Variants in TXNDC11 observed in about 807,000 individuals in gnomAD.
The protein encoded by TXNDC11 is thioredoxin domain containing 11, also known as thioredoxin domain-containing protein 11.
A neutral mutation model predicts 78.0 loss-of-function variants in TXNDC11; 68 were observed. That is an observed-to-expected ratio of 0.87 (90% CI 0.72 to 1.07). The LOEUF (loss-of-function observed/expected upper bound fraction) is 1.07, where lower values mean the gene tolerates loss of function less well. Among genes scored for constraint, TXNDC11 ranks in the 50% least tolerant of loss-of-function variants. TXNDC11 has a pLI of 0.00. For missense variants in TXNDC11, 1,389 were observed against 1,221.8 expected, an observed-to-expected ratio of 1.14 and a Z score of -2.04; for synonymous variants, 571 against 495.2, an observed-to-expected ratio of 1.15 and a Z score of -2.03.
intron 5 of TXNDC11, among the ~76,000 whole-genome samples, chr16:11,711,425 T>C (rs532347845): frequency 7.2e-5 from 11 of 152,358 alleles, no homozygotes; most frequent in African/African-American, 2.2e-4. Flanking sequence ...GCAAGTCATG[T>C]TCCTTTGGGA....
intron 7 of TXNDC11, among the ~76,000 whole-genome samples, chr16:11,693,121 C>G (rs2050766804): frequency 6.6e-6 from 1 of 152,188 alleles, no homozygotes; most frequent in South Asian, 2.1e-4. Context: ...CCTGCCATCC[C>G]CGGGGCCTAG....
At chr16:11,711,583 A>G (rs2051362167) in intron 5 of TXNDC11, among the ~76,000 whole-genome samples, 2 of 152,174 alleles carry the variant, frequency 1.3e-5, no homozygotes, top group Non-Finnish European at 2.9e-5. Context: ...TTTGATTCTT[A>G]AGAATCCTTC....
At chr16:11,728,460 G>T (rs1156328048) in intron 4 of TXNDC11, among the ~76,000 whole-genome samples, 1 of 152,196 alleles carries the variant, frequency 6.6e-6, no homozygotes, top group Non-Finnish European at 1.5e-5. Context: ...AAGTGATCTA[G>T]GGACCCCATC....
At chr16:11,700,625 C>T (rs2050986715) in intron 5 of TXNDC11, 61 bp from the exon 6 acceptor site, 1 of 820,484 alleles carries the variant, frequency 1.2e-6, no homozygotes, top group South Asian at 1.5e-5. Context: ...AACCACAAAA[C>T]CCAGTGATCA....
intron 8 of TXNDC11, 188 bp downstream of exon 8, chr16:11,691,102 T>G (rs547679755): frequency 4.4e-4 from 260 of 588,632 alleles, no homozygotes; most frequent in Non-Finnish European, 7.0e-4. Context: ...TGAGGAAGTT[T>G]CTGTTCCATT....
intron 7 of TXNDC11, among the ~76,000 whole-genome samples, chr16:11,693,505 T>TTG (rs772966826): frequency 5.5e-4 from 84 of 152,054 alleles, no homozygotes; most frequent in Middle Eastern, 3.4e-3. Context: ...AACAATTCAA[T>TTG]GAGTGTAATT....
intron 5 of TXNDC11, among the ~76,000 whole-genome samples, chr16:11,712,854 G>A (rs906618207): frequency 6.6e-6 from 1 of 151,742 alleles, no homozygotes; most frequent in African/African-American, 2.4e-5. Context: ...TTGGAAGGCT[G>A]AGGTGGTTGG....
At chr16:11,723,420 A>G (rs2051772979) in intron 4 of TXNDC11, among the ~76,000 whole-genome samples, 1 of 152,042 alleles carries the variant, frequency 6.6e-6, no homozygotes, top group East Asian at 1.9e-4. Flanking sequence ...CCCTGTCTCT[A>G]CTGAAAATAA....
chr16:11,739,981 T>A (rs1275277572), intron 1 of TXNDC11, among the ~76,000 whole-genome samples: 5 of 151,704 alleles, frequency 3.3e-5, no homozygotes, highest in Admixed American at 6.6e-5. Flanking sequence ...CCACCTGAAG[T>A]CAGGAGTTCG....
chr16:11,699,857 T>TC (rs2050962519), intron 6 of TXNDC11, among the ~76,000 whole-genome samples: 1 of 152,076 alleles, frequency 6.6e-6, no homozygotes, highest in African/African-American at 2.4e-5. Context: ...AGCAACAGAG[T>TC]AGACGCATAG....
At chr16:11,724,150 G>A (rs886235095) in intron 4 of TXNDC11, among the ~76,000 whole-genome samples, 1 of 152,124 alleles carries the variant, frequency 6.6e-6, no homozygotes, top group Non-Finnish European at 1.5e-5. Flanking sequence ...AGGCGTGATG[G>A]TGGGCACCTG....
Position 11,687,856 on chromosome 16 carries a change from C to T in TXNDC11, c.2153+1G>A. The T allele has an allele frequency of 6.2e-7, 1 of 1,608,326 alleles. No individual in the cohort carries two copies. The highest frequency in any genetic ancestry group is 8.5e-7 in the Non-Finnish European group (1 of 1,175,142). The stretch of plus-strand genomic sequence containing the variant: ...AAGCGCTGCAGAAGAGGCCTGCTTA[C>T]CTTGCCACAGTGAATGTGTCCATGG... On this transcript the variant is annotated splice_donor_variant, in intron 10 of 11. Transcript: ENST00000283033. LOFTEE classifies it high-confidence loss of function.
intron 3 of TXNDC11, among the ~76,000 whole-genome samples, chr16:11,731,878 A>T (rs2052064304): frequency 6.6e-6 from 1 of 152,228 alleles, no homozygotes; most frequent in African/African-American, 2.4e-5. Context: ...CCGTTTAAAA[A>T]TTACCACCAC....
rs1446059633 is a variant in TXNDC11 at position 11,685,282 on chromosome 16, T to C, written c.2154-1037A>G. Among the ~76,000 whole-genome samples, 15 of 151,530 alleles carry C rather than the reference T, an allele frequency of 9.9e-5. No individual in the cohort carries two copies. The East Asian group carries it at 2.1e-3, about 22-fold the overall frequency. ...GGGAGAATCACCTGAACCTGGGAGGTTGGGGCTGCAGTGAGCTGTGATTGC... is the reference window on the plus strand; with the variant it reads ...GGGAGAATCACCTGAACCTGGGAGGCTGGGGCTGCAGTGAGCTGTGATTGC... On this transcript the variant is annotated intron_variant, in intron 10 of 11. Transcript: ENST00000283033.
chr16:11,681,945 C>T (rs1272877165), intron 11 of TXNDC11, among the ~76,000 whole-genome samples: 1 of 152,226 alleles, frequency 6.6e-6, no homozygotes, highest in African/African-American at 2.4e-5. Flanking sequence ...ATACAAGCAG[C>T]ACCTTCAAAT....
intron 3 of TXNDC11, among the ~76,000 whole-genome samples, chr16:11,731,101 C>G (rs983546730): frequency 5.3e-5 from 8 of 152,092 alleles, no homozygotes; most frequent in African/African-American, 1.7e-4. Context: ...AAAAACAAAA[C>G]AGAGAGACAA....
chr16:11,718,216 G>C (rs186654162), intron 5 of TXNDC11, among the ~76,000 whole-genome samples: 1 of 152,038 alleles, frequency 6.6e-6, no homozygotes, highest in African/African-American at 2.4e-5. Flanking sequence ...TGACCAGCTA[G>C]CTTCAAAAAA....
chr16:11,717,808 G>C lies in TXNDC11; in HGVS notation c.793+3769C>G, dbSNP rs561780113. Among the ~76,000 whole-genome samples, 11 of 151,594 alleles carry C rather than the reference G, an allele frequency of 7.3e-5. No individual in the cohort carries two copies. The East Asian group carries it at 2.1e-3, about 29-fold the overall frequency. Reference sequence around the variant, plus strand: ...TGCACTCCAGCCTGAACGACAGAGAGAGACTCTGTCTCAAAAAAAAAAAAG... The same window carrying C: ...TGCACTCCAGCCTGAACGACAGAGACAGACTCTGTCTCAAAAAAAAAAAAG... On this transcript the variant is annotated intron_variant, in intron 5 of 11. Coordinates refer to ENST00000283033, the MANE Select transcript of TXNDC11 (RefSeq NM_015914.7).
intron 6 of TXNDC11, 36 bp from the exon 7 acceptor site, chr16:11,698,361 C>T (rs1307820560): frequency 6.3e-7 from 1 of 1,595,874 alleles, no homozygotes; most frequent in East Asian, 2.2e-5. Context: ...TAAAGGAGAG[C>T]TCGTGAGGTG....
Sources: allele counts gnomAD v4.1 joint callset (sites outside exome capture counted in the v4.1 genomes callset), GRCh38; gene constraint gnomAD v4.1.1; transcripts MANE v1.5; gene names NCBI Gene and HGNC (gene_info 2026-07-23, HGNC 2026-07-21).